The following ZFP64 variants were observed in gnomAD, a reference collection of about 807,000 sequenced individuals.
The protein encoded by ZFP64 is zinc finger protein 64.
ZFP64 carries 14 observed loss-of-function variants against 51.6 expected under a neutral mutation model. That is an observed-to-expected ratio of 0.27 (90% confidence interval 0.18 to 0.42). The LOEUF (loss-of-function observed/expected upper bound fraction) is 0.42. Among genes scored for constraint, ZFP64 ranks in the 10% least tolerant of loss-of-function variants. The probability of loss-of-function intolerance (pLI) is 1.00; values close to 1 mark genes in which losing one functional copy is unlikely to be tolerated. For missense variants in ZFP64, 754 were observed against 906.8 expected (o/e 0.83, Z 2.16); for synonymous variants, 375 against 361.4 (o/e 1.04, Z -0.43).
At chr20:52,112,382 A>C (rs1978641236) in intron 5 of ZFP64, among the ~76,000 whole-genome samples, 1 of 152,162 alleles carries the variant, frequency 6.6e-6, no homozygotes, top group Admixed American at 6.6e-5. Context: ...AACTAGGCAA[A>C]GTTACTGTTT....
At chr20:52,185,899 T>A (rs1983930170) in intron 2 of ZFP64, among the ~76,000 whole-genome samples, 1 of 152,190 alleles carries the variant, frequency 6.6e-6, no homozygotes, top group South Asian at 2.1e-4. Flanking sequence ...GCACTTTTTA[T>A]CTCCTTTTAC....
chr20:52,150,512 AC>A (rs1429229738), downstream of ZFP64, among the ~76,000 whole-genome samples: 1 of 152,000 alleles, frequency 6.6e-6, no homozygotes, highest in African/African-American at 2.4e-5. Context: ...TATTTAAATC[AC>A]TAACATTGTA....
downstream of ZFP64, among the ~76,000 whole-genome samples, chr20:52,150,686 T>C (rs1213062432): frequency 6.6e-6 from 1 of 152,208 alleles, no homozygotes; most frequent in Non-Finnish European, 1.5e-5. Flanking sequence ...TAGAAATGTA[T>C]CTAAGTATTC....
intron 7 of ZFP64, among the ~76,000 whole-genome samples, chr20:52,089,236 T>C (rs1187956558): frequency 1.3e-5 from 2 of 152,130 alleles, no homozygotes; most frequent in Admixed American, 6.6e-5. Flanking sequence ...AATAAACAAA[T>C]GCTTGGGGAA....
intron 4 of ZFP64, among the ~76,000 whole-genome samples, chr20:52,161,569 T>TG (rs1379294806): frequency 6.6e-6 from 1 of 151,820 alleles, no homozygotes; most frequent in East Asian, 1.9e-4. Flanking sequence ...ACGCGGTTGT[T>TG]AAGGCTGAAA....
At chr20:52,103,480 C>T (rs749519749) in intron 5 of ZFP64, among the ~76,000 whole-genome samples, 17 of 152,114 alleles carry the variant, frequency 1.1e-4, no homozygotes, top group Non-Finnish European at 1.9e-4. Context: ...GAGTTTGCGT[C>T]CTGCTCCCAC....
intron 2 of ZFP64, among the ~76,000 whole-genome samples, chr20:52,173,060 A>C (rs768734999): frequency 6.6e-6 from 1 of 152,048 alleles, no homozygotes; most frequent in African/African-American, 2.4e-5. Context: ...GTCTCTGTGG[A>C]GTCTTAGGGC....
chr20:52,097,807 C>A (rs1296951031), intron 6 of ZFP64, among the ~76,000 whole-genome samples: 1 of 152,106 alleles, frequency 6.6e-6, no homozygotes, highest in Non-Finnish European at 1.5e-5. Flanking sequence ...TGGTGGCCCA[C>A]ACCTGCCATC....
intron 5 of ZFP64, chr20:52,104,532 C>A: frequency 2.8e-6 from 1 of 363,070 alleles, no homozygotes; most frequent in South Asian, 2.1e-5. Flanking sequence ...GTCCCCCGCC[C>A]CCCACCGTCT....
chr20:52,140,908 C>A (rs192270322), intron 5 of ZFP64, among the ~76,000 whole-genome samples: 1 of 152,282 alleles, frequency 6.6e-6, no homozygotes, highest in African/African-American at 2.4e-5. Flanking sequence ...GCTAATGTAG[C>A]TGGTAACTTG....
intron 5 of ZFP64, among the ~76,000 whole-genome samples, chr20:52,131,366 T>TA (rs1979715321): frequency 6.6e-6 from 1 of 152,042 alleles, no homozygotes; most frequent in South Asian, 2.1e-4. Context: ...AGCAAGTCCT[T>TA]ACTTAACAAT....
chr20:52,093,692 T>G (rs1289266253), intron 7 of ZFP64, among the ~76,000 whole-genome samples: 1 of 152,108 alleles, frequency 6.6e-6, no homozygotes, highest in Non-Finnish European at 1.5e-5. Flanking sequence ...GCAATTAGGG[T>G]AGTTAATATG....
chr20:52,178,251 T>G (rs567513227), intron 2 of ZFP64, among the ~76,000 whole-genome samples: 1 of 152,180 alleles, frequency 6.6e-6, no homozygotes, highest in Admixed American at 6.5e-5. Context: ...ATGAGGAATT[T>G]ACTAAGTGGC....
intron 5 of ZFP64, chr20:52,105,189 G>A (rs1285342559): frequency 1.4e-6 from 2 of 1,434,846 alleles, no homozygotes; most frequent in Non-Finnish European, 1.8e-6. Context: ...GCAGGCCGCG[G>A]CTCCTCGGAG....
rs1017569883 is a variant in ZFP64 at position 52,112,730 on chromosome 20, T to C, written c.764-14143A>G. ...CCAGGTCTCAAGAGATCCTCCCATC[T>C]TAGCCTCCCGAGTGGCTGGGACTAC... On this transcript the variant is annotated intron_variant, in intron 5 of 8. Coordinates refer to the ZFP64 transcript ENST00000361387. Among the ~76,000 whole-genome samples the C allele has an allele frequency of 2.0e-5, 3 of 151,958 alleles. No homozygotes were observed. In the South Asian group the frequency reaches 6.2e-4, roughly 32 times the overall value.
intron 2 of ZFP64, chr20:52,176,035 G>C (rs1043093514): frequency 5.6e-5 from 52 of 922,410 alleles, no homozygotes; most frequent in Non-Finnish European, 6.6e-5. Flanking sequence ...CCACGCCCCA[G>C]CTCTGCCTTT....
intron 7 of ZFP64, among the ~76,000 whole-genome samples, chr20:52,089,543 C>A (rs1279460418): frequency 1.3e-5 from 2 of 151,870 alleles, no homozygotes; most frequent in Non-Finnish European, 2.9e-5. Context: ...GAGTTTGAGA[C>A]CAGACTGGGC....
intron 5 of ZFP64, among the ~76,000 whole-genome samples, chr20:52,100,063 G>A (rs538826603): frequency 1.3e-5 from 2 of 152,128 alleles, no homozygotes; most frequent in Admixed American, 6.5e-5. Context: ...GTGTGATCTT[G>A]GCTCACTGCA....
downstream of ZFP64, among the ~76,000 whole-genome samples, chr20:52,147,939 T>A (rs1980604686): frequency 6.6e-6 from 1 of 152,152 alleles, no homozygotes; most frequent in Non-Finnish European, 1.5e-5. Flanking sequence ...GAGAATCTCT[T>A]GAACCCAGGA....
Sources: allele counts gnomAD v4.1 joint callset (sites outside exome capture counted in the v4.1 genomes callset), GRCh38; gene constraint gnomAD v4.1.1; transcripts MANE v1.5; gene names NCBI Gene and HGNC (gene_info 2026-07-23, HGNC 2026-07-21).